The following MAP3K5 variants were observed in gnomAD, a reference collection of about 807,000 sequenced individuals.
The protein encoded by MAP3K5 is ASK-1.
Under a neutral mutation model 158.7 loss-of-function variants are expected in MAP3K5, and 56 were observed. The ratio of observed to expected loss-of-function variants is 0.35; its 90% confidence interval spans 0.28 to 0.44. The LOEUF is 0.44. MAP3K5 is among the 20% of genes least tolerant of loss of function. The probability of loss-of-function intolerance (pLI) is 1.00; values close to 1 mark genes in which losing one functional copy is unlikely to be tolerated. For synonymous variants in MAP3K5, 579 were observed against 601.7 expected, an observed-to-expected ratio of 0.96 and a Z score of 0.55; for missense variants, 1,294 against 1,674.8, an observed-to-expected ratio of 0.77 and a Z score of 3.97.
intron 1 of MAP3K5, among the ~76,000 whole-genome samples, chr6:136,779,171 T>A (rs1232709121): frequency 6.6e-6 from 1 of 151,988 alleles, no homozygotes; most frequent in African/African-American, 2.4e-5. Flanking sequence ...CATGGTAACC[T>A]GGGAGGCAGA....
At chr6:136,732,467 G>A (rs867082533) in intron 1 of MAP3K5, among the ~76,000 whole-genome samples, 8 of 152,102 alleles carry the variant, frequency 5.3e-5, no homozygotes, top group Middle Eastern at 3.4e-3. Context: ...AAAACAAGGA[G>A]GGAAGTAATT....
intron 8 of MAP3K5, among the ~76,000 whole-genome samples, chr6:136,660,321 G>C (rs1368892278): frequency 6.6e-6 from 1 of 152,142 alleles, no homozygotes; most frequent in Admixed American, 6.5e-5. Flanking sequence ...GAGGGCCGAG[G>C]TGGGAGGATT....
intron 5 of MAP3K5, among the ~76,000 whole-genome samples, chr6:136,696,959 C>A (rs913047317): frequency 2.6e-5 from 4 of 152,182 alleles, no homozygotes; most frequent in Non-Finnish European, 5.9e-5. Flanking sequence ...GTTCGCTGTG[C>A]CAGCAGATTT....
At position 136,591,063 on chromosome 6, in the gene MAP3K5, T is replaced by C. The variant is rs1775364069; in HGVS notation, c.3225+1110A>G. On this transcript the variant is annotated intron_variant, in intron 23 of 29. Coordinates refer to ENST00000359015, the MANE Select transcript of MAP3K5 (RefSeq NM_005923.4). ...TCATGAGATCTGATGGTTTTACAAATGGGAATTCCCCTGCACAAGCTCTCT... is the reference window on the plus strand; with the variant it reads ...TCATGAGATCTGATGGTTTTACAAACGGGAATTCCCCTGCACAAGCTCTCT... Among the ~76,000 whole-genome samples the C allele has an allele frequency of 6.6e-5, 10 of 152,194 alleles. No individual in the cohort carries two copies. In the South Asian group the frequency reaches 2.1e-3, roughly 31 times the overall value.
chr6:136,783,425 G>A (rs935445221), intron 1 of MAP3K5, among the ~76,000 whole-genome samples: 4 of 152,018 alleles, frequency 2.6e-5, no homozygotes, highest in African/African-American at 9.7e-5. Context: ...GAAAATGAGG[G>A]TATCTTTCTC....
chr6:136,785,863 G>A (rs570861891), intron 1 of MAP3K5, among the ~76,000 whole-genome samples: 6 of 152,246 alleles, frequency 3.9e-5, no homozygotes, highest in South Asian at 2.1e-4. Flanking sequence ...GAATTTTCCC[G>A]AATGTTTAAA....
chr6:136,745,942 C>T (rs1782936496), intron 1 of MAP3K5, among the ~76,000 whole-genome samples: 1 of 152,114 alleles, frequency 6.6e-6, no homozygotes, highest in Non-Finnish European at 1.5e-5. Flanking sequence ...TCCCTTAAAC[C>T]CAGATTGATT....
At position 136,648,381 on chromosome 6, in the gene MAP3K5, C is replaced by A. The variant is rs146917429; in HGVS notation, c.1788+2603G>T. Among the ~76,000 whole-genome samples, 665 of 152,286 alleles carry A rather than the reference C, an allele frequency of 4.4e-3. 5 individuals are homozygous for A. The highest frequency in any genetic ancestry group is 7.4e-3 in the Admixed American group (113 of 15,286). On this transcript the variant is annotated intron_variant, in intron 11 of 29. Transcript: ENST00000359015. The stretch of plus-strand genomic sequence containing the variant: ...AATTTTGGATGTAGCCAGTCCCAAA[C>A]TGACTTGTAAAAGTGTCAGCTTGGA...
rs370477039 is a variant in MAP3K5, at chr6:136,698,505, C to T, written c.790G>A (p.Ala264Thr). 1.9e-6 allele frequency: 3 copies of T among 1,613,372 alleles called. No homozygotes were observed. In the African/African-American group the frequency reaches 4.0e-5, roughly 22 times the overall value. Reference protein sequence around the residue: ...VDRFIQLLKVAQASSSQYFRE... With the variant: ...VDRFIQLLKVTQASSSQYFRE... The stretch of plus-strand genomic sequence containing the variant: ...AAACTTTACCTAGAACTTGCTTGTG[C>T]CACCTTCAAAAGTTGAATAAAACGA... Residue 264 changes from alanine (A) to threonine (T), a missense_variant, in exon 4 of 30, where the codon GCA (alanine) becomes ACA (threonine). Transcript: ENST00000359015.
At chr6:136,635,737 A>C (rs938272646) in intron 14 of MAP3K5, among the ~76,000 whole-genome samples, 3 of 150,620 alleles carry the variant, frequency 2.0e-5, no homozygotes, top group African/African-American at 7.3e-5. Context: ...AAAAAAAAAA[A>C]AAAAAAAAAA....
intron 4 of MAP3K5, among the ~76,000 whole-genome samples, chr6:136,697,997 G>A (rs950303169): frequency 2.0e-5 from 3 of 152,174 alleles, no homozygotes; most frequent in African/African-American, 7.2e-5. Context: ...TGCCCACCTC[G>A]GCCTCCCAAA....
intron 8 of MAP3K5, 104 bp from the exon 9 acceptor site, chr6:136,659,482 T>TA: frequency 9.5e-7 from 1 of 1,047,234 alleles, no homozygotes; most frequent in Non-Finnish European, 1.4e-6. Context: ...CTTTTCAGAT[T>TA]AAAACAGCTT....
At chr6:136,745,788 T>G (rs1189441606) in intron 1 of MAP3K5, among the ~76,000 whole-genome samples, 1 of 152,228 alleles carries the variant, frequency 6.6e-6, no homozygotes, top group African/African-American at 2.4e-5. Flanking sequence ...TAACAATATT[T>G]TCAATAAAGG....
chr6:136,563,822 T>G (rs1326724543), intron 26 of MAP3K5, among the ~76,000 whole-genome samples: 1 of 152,252 alleles, frequency 6.6e-6, no homozygotes, highest in East Asian at 1.9e-4. Context: ...TTATTAAGAT[T>G]ATCAGGATAA....
At chr6:136,675,621 T>C (rs1779672676) in intron 7 of MAP3K5, among the ~76,000 whole-genome samples, 1 of 152,042 alleles carries the variant, frequency 6.6e-6, no homozygotes, top group Admixed American at 6.6e-5. Flanking sequence ...GTCTAATAGA[T>C]AAAATGTCTG....
rs1562622323 is a variant in MAP3K5 at position 136,697,291 on chromosome 6, C to T, written c.903G>A (p.Gln301=). The change falls in exon 5 of 30, where the codon CAG becomes CAA. Residue 301 remains glutamine (Q), a synonymous_variant. Coordinates refer to ENST00000359015, the MANE Select transcript of MAP3K5 (RefSeq NM_005923.4). ...ELAAELARIR[Q]RVDNIEVLTA... is the part of the protein sequence containing the mutation. ...TCAAGACTTCGATATTATCTACTCGCTGCCGAATTCTTGCCAACTCAGCTG... is the reference window on the plus strand; with the variant it reads ...TCAAGACTTCGATATTATCTACTCGTTGCCGAATTCTTGCCAACTCAGCTG... The T allele has an allele frequency of 6.2e-7, 1 of 1,613,888 alleles. No homozygotes were observed. Among genetic ancestry groups the T allele is most frequent in the Non-Finnish European group, 8.5e-7 (1 of 1,179,866 alleles).
intron 21 of MAP3K5, chr6:136,593,715 A>C (rs1036263548): frequency 2.0e-5 from 3 of 150,634 alleles, no homozygotes; most frequent in East Asian, 2.0e-4. Context: ...ACAGATATGC[A>C]AAAAAAAAAA....
At chr6:136,780,868 C>A (rs765101513) in intron 1 of MAP3K5, among the ~76,000 whole-genome samples, 2 of 152,052 alleles carry the variant, frequency 1.3e-5, no homozygotes, top group South Asian at 2.1e-4. Context: ...GAATGTAGGT[C>A]GTTCCTCCTG....
chr6:136,607,447 T>C (rs942003655), intron 18 of MAP3K5, among the ~76,000 whole-genome samples: 15 of 152,356 alleles, frequency 9.8e-5, no homozygotes, highest in African/African-American at 3.4e-4. Flanking sequence ...TGTGTTCTTA[T>C]CTGCTCCTCT....
Sources: allele counts gnomAD v4.1 joint callset (sites outside exome capture counted in the v4.1 genomes callset), GRCh38; gene constraint gnomAD v4.1.1; transcripts MANE v1.5; gene names NCBI Gene and HGNC (gene_info 2026-07-23, HGNC 2026-07-21).